The following SVIL variants were observed in gnomAD, a reference collection of about 807,000 sequenced individuals.
SVIL encodes supervillin.
Under a neutral mutation model 240.4 loss-of-function variants are expected in SVIL, and 101 were observed. That is an observed-to-expected ratio of 0.42 (90% CI 0.36 to 0.50). The LOEUF is 0.50. SVIL is among the 20% of genes least tolerant of loss of function. The probability of loss-of-function intolerance (pLI) is 0.01; values close to 1 mark genes in which losing one functional copy is unlikely to be tolerated. For synonymous variants in SVIL, 999 were observed against 1,100.0 expected (o/e 0.91, Z 1.82); for missense variants, 2,512 against 2,818.7 (o/e 0.89, Z 2.46).
At chr10:29,639,803 C>T (rs990369354), upstream of SVIL, among the ~76,000 whole-genome samples, 2 of 152,134 alleles carry the variant, frequency 1.3e-5, no homozygotes, top group Non-Finnish European at 2.9e-5. Context: ...GATGATATAA[C>T]AGTTCAGCCT....
intron 3 of SVIL, among the ~76,000 whole-genome samples, chr10:29,562,769 G>GAAAA (rs34507610): frequency 8.6e-6 from 1 of 115,718 alleles, no homozygotes. Context: ...TCAAAAAAAA[G>GAAAA]AAAAAAAAAA....
At chr10:29,554,721 A>G (rs1953740079) in intron 5 of SVIL, 62 bp downstream of exon 5, 2 of 1,452,382 alleles carry the variant, frequency 1.4e-6, no homozygotes, top group Non-Finnish European at 1.8e-6. Context: ...CTGGGTGGAA[A>G]GGGCAACTCG....
chr10:29,657,787 G>C (rs1589463253), intron 3 of SVIL: 1 of 152,150 alleles, frequency 6.6e-6, no homozygotes, highest in Admixed American at 6.6e-5. Flanking sequence ...CAGCTCTCCT[G>C]TATGTCTATG....
At chr10:29,500,908 A>G (rs887241250) in intron 17 of SVIL, among the ~76,000 whole-genome samples, 7 of 152,218 alleles carry the variant, frequency 4.6e-5, no homozygotes, top group South Asian at 2.1e-4. Flanking sequence ...GGAGATGGGG[A>G]CAGTTCATTT....
intron 1 of SVIL, among the ~76,000 whole-genome samples, chr10:29,599,386 A>AT (rs34936543): frequency 0.22 from 32,357 of 150,204 alleles, 4,028 homozygotes; most frequent in Non-Finnish European, 0.27. Context: ...TTTGCCCTCC[A>AT]TTTTTTTTTG....
At chr10:29,498,492 GCAC>G (rs1480064221) in intron 18 of SVIL, among the ~76,000 whole-genome samples, 5 of 152,166 alleles carry the variant, frequency 3.3e-5, no homozygotes, top group Admixed American at 1.3e-4. Context: ...ACCTACACTT[GCAC>G]TCAATTCCAA....
chr10:29,537,215 A>G (rs1951805649), intron 6 of SVIL, among the ~76,000 whole-genome samples: 1 of 152,254 alleles, frequency 6.6e-6, no homozygotes, highest in Non-Finnish European at 1.5e-5. Flanking sequence ...GACCAACACA[A>G]GAGTTACAAG....
intron 16 of SVIL, among the ~76,000 whole-genome samples, chr10:29,517,518 C>G (rs1950291181): frequency 6.6e-6 from 1 of 152,172 alleles, no homozygotes; most frequent in South Asian, 2.1e-4. Context: ...AAATCTGGGG[C>G]CCTCTAGTGG....
intron 3 of SVIL, among the ~76,000 whole-genome samples, chr10:29,655,107 G>A (rs1958956762): frequency 3.3e-5 from 5 of 152,172 alleles, no homozygotes; most frequent in Admixed American, 2.6e-4. Flanking sequence ...ATGTATTAGG[G>A]TTCTCCAGAG....
intron 1 of SVIL, among the ~76,000 whole-genome samples, chr10:29,620,835 T>G (rs1196290078): frequency 6.6e-6 from 1 of 152,146 alleles, no homozygotes; most frequent in Non-Finnish European, 1.5e-5. Flanking sequence ...GCCAGGCCGG[T>G]CTCAAACTCC....
intron 1 of SVIL, among the ~76,000 whole-genome samples, chr10:29,693,539 G>T (rs1330044738): frequency 1.3e-5 from 2 of 152,182 alleles, no homozygotes; most frequent in African/African-American, 2.4e-5. Context: ...AAAAATGGGA[G>T]AGAATAGATG....
intron 33 of SVIL, 147 bp downstream of exon 33, chr10:29,467,595 A>T: frequency 9.9e-7 from 1 of 1,005,176 alleles, no homozygotes; most frequent in Non-Finnish European, 1.4e-6. Context: ...TGAGAGGCTG[A>T]GGCAGGCTGA....
In SVIL at chr10:29,463,646, A is replaced by C; in HGVS notation, c.6134-11T>G. ...CAACAAGGAAAAGTGCTGTGAGGGC[A>C]GGGACAGGGCCAGACCATCAGGAGC... On this transcript the variant is annotated splice_polypyrimidine_tract_variant and intron_variant, in intron 34 of 37. Coordinates refer to ENST00000355867, the MANE Select transcript of SVIL (RefSeq NM_021738.3). The C allele has an allele frequency of 6.2e-7, 1 of 1,613,342 alleles. No homozygotes were observed. Among genetic ancestry groups the C allele is most frequent in the South Asian group, 1.1e-5 (1 of 91,030 alleles).
intron 1 of SVIL, among the ~76,000 whole-genome samples, chr10:29,689,292 C>G (rs1564765073): frequency 6.7e-6 from 1 of 149,064 alleles, no homozygotes; most frequent in East Asian, 2.0e-4. Context: ...TCTTTGTTTT[C>G]TTTTTTTTTT....
At position 29,481,164 on chromosome 10, in the gene SVIL, G is replaced by GTT. The variant is rs1554815368; in HGVS notation, c.5101-352_5101-351insAA. Among the ~76,000 whole-genome samples the GTT allele has an allele frequency of 1.6e-4, 23 of 141,102 alleles. 1 individual carries two copies. The highest frequency in any genetic ancestry group is 6.3e-4 in the African/African-American group (20 of 31,756). 92.6% of individuals were successfully genotyped at this position (141,102 alleles called of 152,430 possible). A position where few individuals can be genotyped will look rare whatever the true frequency, so the allele number is the denominator to read the frequency against. ...TGTGTGTGTGTGTGTGTGTGTGTGT[G>GTT]TGTTTGTTTGTGTGTCTGTGTGTCC... On this transcript the variant is annotated intron_variant, in intron 28 of 37. Coordinates refer to ENST00000355867, the MANE Select transcript of SVIL (RefSeq NM_021738.3).
intron 1 of SVIL, among the ~76,000 whole-genome samples, chr10:29,575,872 C>T (rs993417391): frequency 6.6e-6 from 1 of 152,054 alleles, no homozygotes; most frequent in Non-Finnish European, 1.5e-5. Context: ...AAATATGACA[C>T]ATTGGAATTT....
At chr10:29,597,341 T>C (rs1192980793) in intron 1 of SVIL, among the ~76,000 whole-genome samples, 1 of 152,118 alleles carries the variant, frequency 6.6e-6, no homozygotes, top group Non-Finnish European at 1.5e-5. Flanking sequence ...GGATCAAGGG[T>C]AAATGCCTCC....
chr10:29,471,634 T>G (rs1945593789), intron 30 of SVIL, among the ~76,000 whole-genome samples: 1 of 152,228 alleles, frequency 6.6e-6, no homozygotes, highest in Non-Finnish European at 1.5e-5. Flanking sequence ...GCAATGAGAA[T>G]GACTCATCAC....
At chr10:29,601,598 A>G (rs1263173967) in intron 1 of SVIL, among the ~76,000 whole-genome samples, 1 of 152,198 alleles carries the variant, frequency 6.6e-6, no homozygotes, top group East Asian at 1.9e-4. Context: ...GCAGAGAGAA[A>G]CAGGTGACTG....
Sources: allele counts gnomAD v4.1 joint callset (sites outside exome capture counted in the v4.1 genomes callset), GRCh38; gene constraint gnomAD v4.1.1; transcripts MANE v1.5; gene names NCBI Gene and HGNC (gene_info 2026-07-23, HGNC 2026-07-21).